The following DOCK4 variants were observed in gnomAD, a reference collection of about 807,000 sequenced individuals.
DOCK4 encodes dedicator of cytokinesis 4, also known as dedicator of cytokinesis protein 4.
DOCK4 carries 97 observed loss-of-function variants against 268.1 expected under a neutral mutation model. The ratio of observed to expected loss-of-function variants is 0.36; its 90% CI spans 0.31 to 0.43. The LOEUF (loss-of-function observed/expected upper bound fraction) is 0.43. Ranked by LOEUF, DOCK4 falls within the 20% of genes least tolerant of loss-of-function variation. DOCK4 has a pLI of 1.00. For missense variants in DOCK4, 2,145 were observed against 2,455.7 expected (o/e 0.87, Z 2.67); for synonymous variants, 954 against 887.2 (o/e 1.08, Z -1.34).
intron 36 of DOCK4, 40 bp from the exon 37 acceptor site, chr7:111,769,717 C>T (rs757612879): frequency 6.3e-7 from 1 of 1,585,462 alleles, no homozygotes; most frequent in Non-Finnish European, 8.6e-7. Context: ...AGACAGGACC[C>T]CAAGCCACAT....
At chr7:112,171,643 C>T (rs959025512) in intron 1 of DOCK4, among the ~76,000 whole-genome samples, 44 of 152,292 alleles carry the variant, frequency 2.9e-4, no homozygotes, top group African/African-American at 8.7e-4. Flanking sequence ...CCCTGCACCC[C>T]GATTGCATCC....
At chr7:111,927,510 G>A (rs188863405) in intron 12 of DOCK4, among the ~76,000 whole-genome samples, 7 of 152,312 alleles carry the variant, frequency 4.6e-5, no homozygotes, top group Middle Eastern at 3.4e-3. Context: ...GAGAGCATTC[G>A]AAGGGATTTC....
At chr7:112,164,618 C>A (rs1817427577) in intron 1 of DOCK4, among the ~76,000 whole-genome samples, 2 of 152,200 alleles carry the variant, frequency 1.3e-5, no homozygotes, top group African/African-American at 4.8e-5. Context: ...AGTCTCTCAT[C>A]TCTCCAATCT....
chr7:112,136,374 C>G (rs1407272248), intron 1 of DOCK4, among the ~76,000 whole-genome samples: 1 of 151,984 alleles, frequency 6.6e-6, no homozygotes, highest in African/African-American at 2.4e-5. Flanking sequence ...AATTCCCACT[C>G]CCACAGACAA....
At chr7:112,004,396 T>C (rs953221697) in intron 1 of DOCK4, among the ~76,000 whole-genome samples, 1 of 152,182 alleles carries the variant, frequency 6.6e-6, no homozygotes, top group Non-Finnish European at 1.5e-5. Flanking sequence ...CACTCAATAA[T>C]AGATATAAAC....
At chr7:112,033,735 T>G (rs1210720063) in intron 1 of DOCK4, among the ~76,000 whole-genome samples, 2 of 152,156 alleles carry the variant, frequency 1.3e-5, no homozygotes, top group Non-Finnish European at 2.9e-5. Context: ...TCACACTCAT[T>G]GCCCCAAATA....
In DOCK4 at chr7:112,118,390, G is replaced by A. The variant is rs559538955; in HGVS notation, c.37+87712C>T. 2.5e-4 allele frequency among the ~76,000 whole-genome samples: 38 copies of A among 152,136 alleles called. No individual in the cohort carries two copies. In the East Asian group the frequency reaches 7.0e-3, roughly 28 times the overall value. ...AATGAAAATCATTCAAAAGAGACAG[G>A]CAAGATGATGATAAAGTAAAGAAGT... On this transcript the variant is annotated intron_variant, in intron 1 of 52. Transcript: ENST00000428084.
At chr7:111,886,397 AAC>A (rs1394536739) in intron 16 of DOCK4, among the ~76,000 whole-genome samples, 2 of 152,196 alleles carry the variant, frequency 1.3e-5, no homozygotes, top group Non-Finnish European at 2.9e-5. Flanking sequence ...CAAGGAAATG[AAC>A]ACAGTCTCTG....
intron 16 of DOCK4, among the ~76,000 whole-genome samples, chr7:111,883,056 A>C (rs1451275497): frequency 6.6e-6 from 1 of 152,200 alleles, no homozygotes; most frequent in African/African-American, 2.4e-5. Flanking sequence ...TTCTCTTTTA[A>C]TATTACAACT....
At chr7:111,972,432 C>A (rs571008917) in intron 8 of DOCK4, among the ~76,000 whole-genome samples, 9 of 152,126 alleles carry the variant, frequency 5.9e-5, no homozygotes, top group African/African-American at 1.9e-4. Flanking sequence ...GCACTTAGAA[C>A]AGAGTATGGC....
chr7:111,747,319 A>T lies in DOCK4; in HGVS notation c.4541T>A (p.Leu1514Gln). ...AACTGCAGCATCTATAACTCCATTC[A>T]GGCACATAGTCAGGGGATTAATATT... is the stretch of plus-strand genomic sequence containing the variant. ...MQNINPLTMC[L>Q]NGVIDAAVNG... Residue 1514 changes from leucine (L) to glutamine (Q), a missense_variant, in exon 43 of 53, where the codon CTG (leucine) becomes CAG (glutamine). Leu to Gln is a moderately radical substitution (Grantham distance 113). This residue lies in a region of DOCK4 where 1,598 missense variants were observed against 1,986.7 expected (regional missense o/e 0.80). Transcript: ENST00000428084. The T allele has an allele frequency of 6.2e-7, 1 of 1,613,752 alleles. No individual in the cohort carries two copies. The highest frequency in any genetic ancestry group is 8.5e-7 in the Non-Finnish European group (1 of 1,179,796).
intron 1 of DOCK4, among the ~76,000 whole-genome samples, chr7:112,176,394 A>G (rs1235476977): frequency 6.6e-6 from 1 of 152,130 alleles, no homozygotes; most frequent in African/African-American, 2.4e-5. Context: ...TGACTTCACA[A>G]TGCTCTATTT....
chr7:111,980,184 G>A (rs966839882), intron 7 of DOCK4, among the ~76,000 whole-genome samples: 1 of 151,834 alleles, frequency 6.6e-6, no homozygotes, highest in African/African-American at 2.4e-5. Context: ...ATTTAACATG[G>A]GCCTTCACAT....
At chr7:111,980,237 A>G (rs1032449364) in intron 7 of DOCK4, among the ~76,000 whole-genome samples, 1 of 152,058 alleles carries the variant, frequency 6.6e-6, no homozygotes, top group South Asian at 2.1e-4. Context: ...TCCCATCCCC[A>G]CTATTCTTTC....
intron 30 of DOCK4, among the ~76,000 whole-genome samples, chr7:111,805,386 CT>C (rs2133878662): frequency 6.6e-6 from 1 of 152,276 alleles, no homozygotes; most frequent in African/African-American, 2.4e-5. Context: ...AAAGGTTAAA[CT>C]TTCTTAATGT....
Position 111,736,909 on chromosome 7 carries a change from G to T in DOCK4, c.5305+8C>A. On this transcript the variant is annotated splice_region_variant and intron_variant, in intron 50 of 52. Transcript: ENST00000428084. The stretch of plus-strand genomic sequence containing the variant: ...ACATTCCAGGACTGACCATGGGGCT[G>T]GCCTTACCTTTTTCAGGTGCAGAGA... 6.3e-7 allele frequency: 1 copy of T among 1,594,730 alleles called. No homozygotes were observed. Among genetic ancestry groups the T allele is most frequent in the East Asian group, 2.3e-5 (1 of 44,366 alleles).
chr7:111,926,120 A>AAGAAAGAAAGAAAGAAAGAAAG (rs1793618230), intron 12 of DOCK4, among the ~76,000 whole-genome samples: 1 of 135,090 alleles, frequency 7.4e-6, no homozygotes, highest in African/African-American at 3.0e-5. Flanking sequence ...GAGAAAGAGA[A>AAGAAAGAAAGAAAGAAAGAAAG]AAAGAAAGAA....
chr7:111,834,704 A>G lies in DOCK4; in HGVS notation c.2737-18T>C. ...AACTCCCCCTAAGTTAAAAAAAAAAAAAGCATACATTTTATTTTTAGTAAG... is the reference window on the plus strand; with the variant it reads ...AACTCCCCCTAAGTTAAAAAAAAAAGAAGCATACATTTTATTTTTAGTAAG... On this transcript the variant is annotated intron_variant, in intron 25 of 52. Transcript: ENST00000428084. 2 of 1,482,748 alleles carry G rather than the reference A, an allele frequency of 1.3e-6. No individual in the cohort carries two copies. The highest frequency in any genetic ancestry group is 1.8e-6 in the Non-Finnish European group (2 of 1,108,928). The allele number at this position is 1,482,748 out of a possible 1,614,324, so 91.8% of individuals were successfully genotyped here. A position where few individuals can be genotyped will look rare whatever the true frequency, so the allele number is the denominator to read the frequency against.
intron 1 of DOCK4, among the ~76,000 whole-genome samples, chr7:112,187,111 T>C (rs1318868656): frequency 1.3e-5 from 2 of 152,096 alleles, no homozygotes; most frequent in Non-Finnish European, 2.9e-5. Context: ...CCTCAAGAAA[T>C]GCAATCGCCC....
Sources: allele counts gnomAD v4.1 joint callset (sites outside exome capture counted in the v4.1 genomes callset), GRCh38; gene constraint gnomAD v4.1.1; regional missense constraint gnomAD v4.1.1; transcripts MANE v1.5; gene names NCBI Gene and HGNC (gene_info 2026-07-23, HGNC 2026-07-21).